The following NCLN variants were observed in gnomAD, a reference collection of about 807,000 sequenced individuals.
NCLN encodes the protein nicalin.
A neutral mutation model predicts 69.5 loss-of-function variants in NCLN; 34 were observed. The ratio of observed to expected loss-of-function variants is 0.49; its 90% CI spans 0.37 to 0.65. NCLN has a LOEUF of 0.65. Ranked by LOEUF, NCLN falls within the 30% of genes least tolerant of loss-of-function variation. The pLI, the probability that NCLN is intolerant of heterozygous loss-of-function variation, is 0.00. For missense variants in NCLN, 710 were observed against 804.8 expected, an observed-to-expected ratio of 0.88 and a Z score of 1.42; for synonymous variants, 393 against 358.3, an observed-to-expected ratio of 1.10 and a Z score of -1.09.
chr19:3,197,595 C>A (rs1915999794), intron 4 of NCLN, among the ~76,000 whole-genome samples: 1 of 151,994 alleles, frequency 6.6e-6, no homozygotes, highest in Admixed American at 6.6e-5. Flanking sequence ...TCATGTGCCA[C>A]CACGCCCAGC....
chr19:3,201,655 G>A, intron 6 of NCLN, 29 bp downstream of exon 6: 1 of 1,443,584 alleles, frequency 6.9e-7, no homozygotes, highest in East Asian at 2.5e-5. Context: ...AGGGGGATGG[G>A]GGTGCGGGGG....
Position 3,193,332 on chromosome 19 carries a change from C to A in NCLN, c.424C>A (p.Pro142Thr). The A allele has an allele frequency of 3.7e-6, 6 of 1,613,130 alleles. No homozygotes were observed. The highest frequency in any genetic ancestry group is 5.1e-6 in the Non-Finnish European group (6 of 1,179,964). The change falls in exon 3 of 15, where the codon CCC becomes ACC. Residue 142 changes from proline to threonine, a missense_variant. By Grantham distance (38) the Pro-to-Thr change is conservative. Transcript: ENST00000246117. ...GATGCTGGCCATGGAGACCGCCGTC[C>A]CCGTGTACTTTGCCGTGGAGGACGA... ...PEMLAMETAV[P>T]VYFAVEDEAL...
rs1915656488 is a variant in NCLN, at chr19:3,185,998, C to G, written c.-33C>G. 5 of 1,487,040 alleles carry G rather than the reference C, an allele frequency of 3.4e-6. No individual in the cohort carries two copies. The highest frequency in any genetic ancestry group is 2.6e-5 in the South Asian group (2 of 77,322). The allele number at this position is 1,487,040 out of a possible 1,614,324, so 92.1% of individuals were successfully genotyped here. A position where few individuals can be genotyped will look rare whatever the true frequency, so the allele number is the denominator to read the frequency against. ...CGCCGCCGCCGCCGTCCCGTCCCAG[C>G]TGCCGCCCCGCGCGGCCCCGCCGCC... On this transcript the variant is annotated 5_prime_UTR_variant, in exon 1 of 15. Coordinates refer to ENST00000246117, the MANE Select transcript of NCLN (RefSeq NM_020170.4).
intron 5 of NCLN, among the ~76,000 whole-genome samples, chr19:3,199,689 C>CATT (rs1916072773): frequency 1.4e-5 from 1 of 69,526 alleles, no homozygotes; most frequent in Non-Finnish European, 2.7e-5. Context: ...CTGCCTCCTC[C>CATT]TTTTTTTTTT....
chr19:3,187,595 C>G (rs780455705), intron 1 of NCLN, among the ~76,000 whole-genome samples: 31 of 152,176 alleles, frequency 2.0e-4, no homozygotes, highest in African/African-American at 5.6e-4. Context: ...TGTTGTCAAC[C>G]GAGGGGACGC....
Position 3,193,451 on chromosome 19 carries a change from G to A in NCLN, c.520+23G>A, listed in dbSNP as rs184127962. 27 of 1,572,422 alleles carry A rather than the reference G, an allele frequency of 1.7e-5. No individual in the cohort carries two copies. The African/African-American group carries it at 1.7e-4, about 10-fold the overall frequency. ...AAGGTGTGCTCTGGGCTGCAGGGAC[G>A]GGGCCCGTGGGCGTGGGTGTGGGGA... On this transcript the variant is annotated intron_variant, in intron 3 of 14. Transcript: ENST00000246117.
chr19:3,191,244 A>T (rs12609042), intron 1 of NCLN, among the ~76,000 whole-genome samples: 7,760 of 151,984 alleles, frequency 0.051, 613 homozygotes, highest in East Asian at 0.37. Flanking sequence ...TTTTGCTGAG[A>T]GAGGAGGGAA....
intron 1 of NCLN, among the ~76,000 whole-genome samples, chr19:3,186,777 A>AG (rs1915681390): frequency 6.6e-6 from 1 of 152,104 alleles, no homozygotes; most frequent in African/African-American, 2.4e-5. Flanking sequence ...TGCCAGGCTG[A>AG]GCCACCCGAC....
Position 3,192,533 on chromosome 19 carries a change from G to A in NCLN, c.248G>A (p.Arg83His), listed in dbSNP as rs776166210. ...ATGGCGGCGGAGGTGCTGAGCCGCC[G>A]CTGCGTGCTCATGCGGCTACTGGAC... ...RTMAAEVLSR[R>H]CVLMRLLDFS... The change falls in exon 2 of 15, where the codon CGC (arginine) becomes CAC (histidine). Residue 83 changes from arginine (R) to histidine (H), a missense_variant. Coordinates refer to ENST00000246117, the MANE Select transcript of NCLN (RefSeq NM_020170.4). 6.8e-6 allele frequency: 11 copies of A among 1,609,064 alleles called. No homozygotes were observed. The Admixed American group carries it at 1.2e-4, about 17-fold the overall frequency.
At chr19:3,194,483 T>A (rs189578631) in intron 3 of NCLN, among the ~76,000 whole-genome samples, 19 of 152,354 alleles carry the variant, frequency 1.2e-4, no homozygotes, top group Admixed American at 1.1e-3. Flanking sequence ...TTGATAAAGT[T>A]TTATTGGCAC....
chr19:3,205,719 G>C lies in NCLN; in HGVS notation c.1209-220G>C, dbSNP rs867107296. ...GCCTCAGGGCGTGAGCCTTACCTGC[G>C]CACAGGGACGGGTCAGGGCAAGGGG... On this transcript the variant is annotated intron_variant, in intron 9 of 14. Transcript: ENST00000246117. This position sits in a 1 kb window ranked among gnomAD's most constrained non-coding sequence, Gnocchi z 4.6. 3 of 564,312 alleles carry C rather than the reference G, an allele frequency of 5.3e-6. No individual in the cohort carries two copies. Among genetic ancestry groups the C allele is most frequent in the Non-Finnish European group, 9.4e-6 (3 of 318,272 alleles). The allele number at this position is 564,312 out of a possible 1,614,324, so 35.0% of individuals were successfully genotyped here.
Position 3,205,861 on chromosome 19 carries a change from T to A in NCLN, c.1209-78T>A, listed in dbSNP as rs750563554. On this transcript the variant is annotated intron_variant, in intron 9 of 14. Coordinates refer to ENST00000246117, the MANE Select transcript of NCLN (RefSeq NM_020170.4). This position sits in a 1 kb window ranked among gnomAD's most constrained non-coding sequence, Gnocchi z 4.6. The stretch of plus-strand genomic sequence containing the variant: ...AGTCTCACGGTCTCCTAGGCTGGAG[T>A]GCTGGGATTACAAGTGTGAGAGCTA... 87 of 1,291,174 alleles carry A rather than the reference T, an allele frequency of 6.7e-5. No individual in the cohort carries two copies. Among genetic ancestry groups the A allele is most frequent in the Non-Finnish European group, 9.3e-5 (83 of 894,048 alleles). 80.0% of individuals were successfully genotyped at this position (1,291,174 alleles called of 1,614,324 possible).
At chr19:3,206,086 C>T in intron 10 of NCLN, 60 bp downstream of exon 10, 1 of 1,581,980 alleles carries the variant, frequency 6.3e-7, no homozygotes. Flanking sequence ...CGGCCCCGGC[C>T]CCACCCCTGG....
chr19:3,201,286 C>G (rs1172560297), intron 5 of NCLN, among the ~76,000 whole-genome samples: 1 of 152,222 alleles, frequency 6.6e-6, no homozygotes, highest in Non-Finnish European at 1.5e-5. Flanking sequence ...CCGCAGACCC[C>G]AGGCCATCAG....
rs145485457 is a variant in NCLN, at chr19:3,204,578, C to T, written c.1035C>T (p.Ala345=). Reference sequence around the variant, plus strand: ...AATGGCGCCTCCGGCTGCAGGTGGCCGCGCACCAGTTCCCTGAGGTACGGT... The same window carrying T: ...AATGGCGCCTCCGGCTGCAGGTGGCTGCGCACCAGTTCCCTGAGGTACGGT... The part of the protein sequence containing the change: ...HAFLRELETV[A]AHQFPEVRFS... Residue 345 remains alanine, a synonymous_variant, in exon 9 of 15, where the codon GCC becomes GCT. Coordinates refer to ENST00000246117, the MANE Select transcript of NCLN (RefSeq NM_020170.4). 3.2e-4 allele frequency: 493 copies of T among 1,537,940 alleles called. 10 individuals are homozygous for T. In the South Asian group the frequency reaches 4.1e-3, roughly 13 times the overall value.
rs868814773 is a variant in NCLN, at chr19:3,206,314, C to T, written c.1388C>T (p.Pro463Leu). The T allele has an allele frequency of 1.9e-6, 3 of 1,548,232 alleles. No homozygotes were observed. The highest frequency in any genetic ancestry group is 2.6e-6 in the Non-Finnish European group (3 of 1,146,908). Residue 463 changes from proline to leucine, a missense_variant, in exon 12 of 15, where the codon CCG becomes CTG. Physicochemically the swap from Pro to Leu is moderately conservative, Grantham distance 98 (BLOSUM62 -3). Transcript: ENST00000246117. ...GTGATGGACTGGCTCACCAACCAGC[C>T]GCGGGCCGCGCAGCTGGTGGACAAG... ...DSVMDWLTNQPRAAQLVDKDS... is the reference protein window; with the variant it reads ...DSVMDWLTNQLRAAQLVDKDS...
At chr19:3,193,231 C>T in intron 2 of NCLN, 53 bp from the exon 3 acceptor site, 3 of 1,555,384 alleles carry the variant, frequency 1.9e-6, no homozygotes, top group Non-Finnish European at 2.6e-6. Flanking sequence ...CCCCCTGCTA[C>T]CTTGCCACCC....
At chr19:3,201,138 A>G (rs1440932625) in intron 5 of NCLN, among the ~76,000 whole-genome samples, 3 of 152,208 alleles carry the variant, frequency 2.0e-5, no homozygotes. Context: ...GGGACCCCGC[A>G]CAGAGACCAG....
rs1421691504 is a variant in NCLN at position 3,205,235 on chromosome 19, G to C, written c.1208+484G>C. Among the ~76,000 whole-genome samples the C allele has an allele frequency of 6.6e-6, 1 of 152,202 alleles. No individual in the cohort carries two copies. Among genetic ancestry groups the C allele is most frequent in the African/African-American group, 2.4e-5 (1 of 41,460 alleles). On this transcript the variant is annotated intron_variant, in intron 9 of 14. Transcript: ENST00000246117. This position sits in a 1 kb window ranked among gnomAD's most constrained non-coding sequence, Gnocchi z 4.6. Reference sequence around the variant, plus strand: ...CATGTGAGCCCCTGGGCAGGCTTTTGTGGAGCCTGGAACTGTCTGGCCACC... The same window carrying C: ...CATGTGAGCCCCTGGGCAGGCTTTTCTGGAGCCTGGAACTGTCTGGCCACC...
Sources: gnomAD v4.1 joint callset for allele counts (sites outside exome capture counted in the v4.1 genomes callset) on GRCh38, gnomAD v4.1.1 for gene constraint, Gnocchi (gnomAD v3.1) non-coding constraint, MANE v1.5 for transcripts, NCBI Gene and HGNC (gene_info 2026-07-23, HGNC 2026-07-21) for gene names.